CDK19: variants seen among roughly 807,000 people sequenced by gnomAD.
The protein encoded by CDK19 is cyclin dependent kinase 19.
CDK19 carries 20 observed loss-of-function variants against 68.3 expected under a neutral mutation model. The observed-to-expected ratio is 0.29, with a 90% confidence interval of 0.21 to 0.43. The LOEUF is 0.43. Among genes scored for constraint, CDK19 ranks in the 20% least tolerant of loss-of-function variants. The probability of loss-of-function intolerance (pLI) is 1.00; values close to 1 mark genes in which losing one functional copy is unlikely to be tolerated. For synonymous variants in CDK19, 221 were observed against 222.8 expected (o/e 0.99, Z 0.07); for missense variants, 339 against 623.5 (o/e 0.54, Z 4.86).
At chr6:110,780,014 T>C (rs1242342529) in intron 1 of CDK19, among the ~76,000 whole-genome samples, 1 of 152,008 alleles carries the variant, frequency 6.6e-6, no homozygotes, top group Non-Finnish European at 1.5e-5. Context: ...GGTCAAGAGA[T>C]TGAGACCATC....
At chr6:110,714,878 C>T (rs559092418) in intron 2 of CDK19, among the ~76,000 whole-genome samples, 1 of 152,014 alleles carries the variant, frequency 6.6e-6, no homozygotes, top group East Asian at 1.9e-4. Context: ...GAATTACAGG[C>T]ATGCGCCACC....
At chr6:110,764,653 T>C (rs1779448619) in intron 1 of CDK19, among the ~76,000 whole-genome samples, 2 of 152,104 alleles carry the variant, frequency 1.3e-5, no homozygotes, top group South Asian at 4.1e-4. Flanking sequence ...TGGAAAACTA[T>C]AAAATTTTTA....
At chr6:110,640,398 G>C (rs1780070135) in intron 4 of CDK19, among the ~76,000 whole-genome samples, 1 of 152,086 alleles carries the variant, frequency 6.6e-6, no homozygotes, top group Admixed American at 6.6e-5. Flanking sequence ...GATGTGAGGT[G>C]GTAAGAGCTC....
At chr6:110,658,089 C>T (rs1001397939) in intron 4 of CDK19, among the ~76,000 whole-genome samples, 3 of 152,188 alleles carry the variant, frequency 2.0e-5, no homozygotes, top group Non-Finnish European at 2.9e-5. Flanking sequence ...TCACCATATC[C>T]AGAGCACTGT....
intron 1 of CDK19, among the ~76,000 whole-genome samples, chr6:110,758,612 T>C (rs1326290739): frequency 6.6e-6 from 1 of 152,140 alleles, no homozygotes; most frequent in African/African-American, 2.4e-5. Context: ...AAAAATATTT[T>C]CACAGTAATA....
intron 2 of CDK19, among the ~76,000 whole-genome samples, chr6:110,685,670 A>G (rs1772415280): frequency 6.6e-6 from 1 of 152,232 alleles, no homozygotes; most frequent in Non-Finnish European, 1.5e-5. Context: ...AAAGTCTGAT[A>G]AATTGTTAAC....
At chr6:110,624,634 T>C (rs1048956961) in intron 8 of CDK19, among the ~76,000 whole-genome samples, 3 of 152,200 alleles carry the variant, frequency 2.0e-5, no homozygotes, top group South Asian at 2.1e-4. Flanking sequence ...ACTAAAAAAT[T>C]GTCTTAGCTT....
chr6:110,679,394 C>A (rs1432576355), intron 2 of CDK19, among the ~76,000 whole-genome samples: 1 of 151,926 alleles, frequency 6.6e-6, no homozygotes, highest in Non-Finnish European at 1.5e-5. Flanking sequence ...GGGCAGATCA[C>A]CTGAGGTCAG....
At chr6:110,745,903 C>T (rs72952037) in intron 2 of CDK19, among the ~76,000 whole-genome samples, 8,633 of 152,136 alleles carry the variant, frequency 0.057, 328 homozygotes, top group Middle Eastern at 0.13. Context: ...AGGAGGTTCA[C>T]GCTGCAGTGG....
chr6:110,797,917 G>A (rs1013954819), intron 1 of CDK19, among the ~76,000 whole-genome samples: 5 of 150,278 alleles, frequency 3.3e-5, no homozygotes, highest in Non-Finnish European at 5.9e-5. Context: ...CCTGGGAGGC[G>A]GAGGCTGCAG....
chr6:110,628,357 C>T (rs1229549686), intron 6 of CDK19, among the ~76,000 whole-genome samples: 2 of 152,210 alleles, frequency 1.3e-5, no homozygotes, highest in African/African-American at 4.8e-5. Flanking sequence ...TTTTGCCCTC[C>T]AGTTTCAGTT....
intron 4 of CDK19, among the ~76,000 whole-genome samples, chr6:110,666,054 T>A (rs1487186052): frequency 1.3e-5 from 2 of 151,034 alleles, no homozygotes; most frequent in Non-Finnish European, 3.0e-5. Context: ...AATAATCATT[T>A]TAAAACATGC....
chr6:110,749,573 T>G (rs1382508963), intron 1 of CDK19, among the ~76,000 whole-genome samples: 3 of 152,092 alleles, frequency 2.0e-5, no homozygotes. Flanking sequence ...TTGGCCAGGC[T>G]GGTCTCGAAC....
chr6:110,753,368 A>C (rs113922987), intron 1 of CDK19, among the ~76,000 whole-genome samples: 4 of 152,166 alleles, frequency 2.6e-5, no homozygotes, highest in African/African-American at 9.6e-5. Context: ...GCCAAAAAAA[A>C]CTTTCAAAAC....
At chr6:110,788,641 G>A (rs1161997191) in intron 1 of CDK19, among the ~76,000 whole-genome samples, 3 of 152,082 alleles carry the variant, frequency 2.0e-5, no homozygotes, top group Admixed American at 1.3e-4. Context: ...TGCACCCACA[G>A]AGAAGCTGTA....
intron 2 of CDK19, among the ~76,000 whole-genome samples, chr6:110,672,111 A>G (rs909643346): frequency 6.6e-6 from 1 of 152,076 alleles, no homozygotes; most frequent in African/African-American, 2.4e-5. Context: ...TAATGACCCC[A>G]TTGCTATGGC....
chr6:110,804,338 ATTCTTTT>A (rs1366451246), intron 1 of CDK19, among the ~76,000 whole-genome samples: 8 of 151,758 alleles, frequency 5.3e-5, no homozygotes, highest in African/African-American at 1.9e-4. Flanking sequence ...CAAGTTAAAG[ATTCTTTT>A]TTCTTTTTTA....
intron 4 of CDK19, among the ~76,000 whole-genome samples, chr6:110,655,837 C>A (rs981303345): frequency 6.6e-6 from 1 of 152,192 alleles, no homozygotes; most frequent in African/African-American, 2.4e-5. Flanking sequence ...TAACAAAAAC[C>A]TGACCAGCTC....
At chr6:110,708,611 G>A (rs1269146721) in intron 2 of CDK19, among the ~76,000 whole-genome samples, 1 of 152,148 alleles carries the variant, frequency 6.6e-6, no homozygotes, top group South Asian at 2.1e-4. Flanking sequence ...GGCTAACAAT[G>A]GGCAGGCTGA....
Sources: allele counts gnomAD v4.1 joint callset (sites outside exome capture counted in the v4.1 genomes callset), GRCh38; gene constraint gnomAD v4.1.1; transcripts MANE v1.5; gene names NCBI Gene and HGNC (gene_info 2026-07-23, HGNC 2026-07-21).